DNM3: variants seen among roughly 807,000 people sequenced by gnomAD.
The protein encoded by DNM3 is dynamin-3.
Under a neutral mutation model 101.6 loss-of-function variants are expected in DNM3, and 47 were observed. That is an observed-to-expected ratio of 0.46 (90% CI 0.37 to 0.59). The LOEUF (loss-of-function observed/expected upper bound fraction) is 0.59, where lower values mean the gene tolerates loss of function less well. DNM3 is among the 20% of genes least tolerant of loss of function. DNM3 has a pLI of 0.00. For missense variants in DNM3, 849 were observed against 1,085.7 expected, an observed-to-expected ratio of 0.78 and a Z score of 3.06; for synonymous variants, 385 against 387.9, an observed-to-expected ratio of 0.99 and a Z score of 0.09.
chr1:172,392,984 C>T (rs1375216194), intron 20 of DNM3: 3 of 152,160 alleles, frequency 2.0e-5, no homozygotes, highest in African/African-American at 4.8e-5. Flanking sequence ...GATGTCCCAC[C>T]CTGCAAGGGC....
At position 171,896,433 on chromosome 1, in the gene DNM3, C is replaced by T. The variant is rs555542350; in HGVS notation, c.162-25315C>T. Reference sequence around the variant, plus strand: ...ATGGGAGTTCACTCATGATTTGGCTCTCTGTTTGTCTATTATTGGTGTATA... The same window carrying T: ...ATGGGAGTTCACTCATGATTTGGCTTTCTGTTTGTCTATTATTGGTGTATA... On this transcript the variant is annotated intron_variant, in intron 1 of 20. Coordinates refer to ENST00000627582, the MANE Select transcript of DNM3 (RefSeq NM_015569.5). 3.7e-3 allele frequency among the ~76,000 whole-genome samples: 560 copies of T among 152,212 alleles called. 2 individuals are homozygous for T. The highest frequency in any genetic ancestry group is 0.013 in the African/African-American group (529 of 41,550).
intron 1 of DNM3, among the ~76,000 whole-genome samples, chr1:171,875,691 T>C (rs2035697811): frequency 6.6e-6 from 1 of 152,128 alleles, no homozygotes; most frequent in Admixed American, 6.5e-5. Context: ...AAAATAGTAG[T>C]ACCTACCTTA....
At position 172,411,482 on chromosome 1, in the gene DNM3, C is replaced by A; in HGVS notation, c.*3641C>A. 2.0e-6 allele frequency: 2 copies of A among 983,042 alleles called. No individual in the cohort carries two copies. The highest frequency in any genetic ancestry group is 2.4e-6 in the Non-Finnish European group (2 of 829,250). The allele number at this position is 983,042 out of a possible 1,614,324, so 60.9% of individuals were successfully genotyped here. On this transcript the variant is annotated 3_prime_UTR_variant, in exon 21 of 21. Transcript: ENST00000627582. ...TATAAATTATTTTTGGATTGCTGAG[C>A]TGAATCTTAAAAAGCCAAGTTGATA...
chr1:172,246,402 T>C (rs2061955328), intron 14 of DNM3, among the ~76,000 whole-genome samples: 1 of 152,022 alleles, frequency 6.6e-6, no homozygotes, highest in African/African-American at 2.4e-5. Context: ...CGGATTCTAC[T>C]GATTAAAAAA....
chr1:172,205,339 T>G (rs1209037567), intron 14 of DNM3, among the ~76,000 whole-genome samples: 1 of 152,138 alleles, frequency 6.6e-6, no homozygotes, highest in Non-Finnish European at 1.5e-5. Context: ...CTAGCTCGTC[T>G]AAATGGACTA....
At chr1:172,354,987 T>C (rs1338515683) in intron 17 of DNM3, among the ~76,000 whole-genome samples, 2 of 152,184 alleles carry the variant, frequency 1.3e-5, no homozygotes, top group Non-Finnish European at 2.9e-5. Context: ...TGTCTCGGCT[T>C]GCACTGTGAA....
chr1:171,895,398 C>A (rs2037692367), intron 1 of DNM3, among the ~76,000 whole-genome samples: 1 of 152,238 alleles, frequency 6.6e-6, no homozygotes, highest in Non-Finnish European at 1.5e-5. Context: ...TGATGATGAG[C>A]ATTTATTCAT....
chr1:171,976,759 T>C (rs1267059209), intron 2 of DNM3, among the ~76,000 whole-genome samples: 1 of 152,226 alleles, frequency 6.6e-6, no homozygotes, highest in Non-Finnish European at 1.5e-5. Flanking sequence ...TTTTTTGAGA[T>C]ATTATAATGT....
chr1:172,413,188 T>C (rs904624398), downstream of DNM3, among the ~76,000 whole-genome samples: 3 of 152,202 alleles, frequency 2.0e-5, no homozygotes, highest in African/African-American at 4.8e-5. Context: ...TCACTGGGCA[T>C]AGACAGGACA....
In DNM3 at chr1:172,033,216, A is replaced by G. The variant is rs753452327; in HGVS notation, c.800A>G (p.His267Arg). The change falls in exon 6 of 21, where the codon CAT (histidine) becomes CGT (arginine). Residue 267 changes from histidine to arginine, a missense_variant. Around this residue, in one of 5 missense-constraint regions of DNM3, gnomAD observed 388 missense variants for 483.0 expected, o/e 0.80. Coordinates refer to ENST00000627582, the MANE Select transcript of DNM3 (RefSeq NM_015569.5). Reference protein sequence around the residue: ...KFFLSHPAYRHIADRMGTPHL... With the variant: ...KFFLSHPAYRRIADRMGTPHL... ...TTCCTTTCCCACCCGGCTTACAGAC[A>G]TATCGCTGACCGAATGGGAACCCCA... 1.0e-5 allele frequency: 16 copies of G among 1,607,738 alleles called. No individual in the cohort carries two copies. The African/African-American group carries it at 1.5e-4, about 15-fold the overall frequency.
At chr1:171,876,434 G>C (rs2035790889) in intron 1 of DNM3, among the ~76,000 whole-genome samples, 1 of 151,744 alleles carries the variant, frequency 6.6e-6, no homozygotes, top group Non-Finnish European at 1.5e-5. Context: ...GTCTTTTGGG[G>C]TATAGTTCAA....
chr1:171,847,806 C>T (rs2032348163), intron 1 of DNM3, among the ~76,000 whole-genome samples: 1 of 151,806 alleles, frequency 6.6e-6, no homozygotes, highest in South Asian at 2.1e-4. Flanking sequence ...GGAGTTGACA[C>T]TAAATGATTT....
intron 2 of DNM3, among the ~76,000 whole-genome samples, chr1:171,929,042 C>A: frequency 6.6e-6 from 1 of 151,112 alleles, no homozygotes; most frequent in East Asian, 2.0e-4. Flanking sequence ...CTGGTTGGGA[C>A]GTCCCTTCCA....
intron 20 of DNM3, among the ~76,000 whole-genome samples, chr1:172,396,283 A>G (rs923149276): frequency 2.0e-5 from 3 of 152,238 alleles, no homozygotes; most frequent in Non-Finnish European, 2.9e-5. Flanking sequence ...CAAAATTCGC[A>G]GTCACTCATA....
intron 18 of DNM3, among the ~76,000 whole-genome samples, chr1:172,386,113 T>C (rs1363051011): frequency 6.6e-6 from 1 of 152,220 alleles, no homozygotes; most frequent in Non-Finnish European, 1.5e-5. Flanking sequence ...ATAAGAATTG[T>C]CATATAACTT....
At position 172,388,627 on chromosome 1, in the gene DNM3, C is replaced by G. The variant is rs201431126; in HGVS notation, c.2340C>G (p.Leu780=). Residue 780 remains leucine (L), a synonymous_variant, in exon 20 of 21, where the codon CTC becomes CTG. Transcript: ENST00000627582. ...TQRRPTLSAP[L]ARPTSGRGPA... ...GGAGGCCAACACTAAGTGCTCCCCT[C>G]GCAAGGCCCACATCCGGCCGAGGAC... 1.9e-6 allele frequency: 3 copies of G among 1,613,928 alleles called. No homozygotes were observed. The highest frequency in any genetic ancestry group is 2.5e-6 in the Non-Finnish European group (3 of 1,179,910).
intron 1 of DNM3, among the ~76,000 whole-genome samples, chr1:171,876,415 A>T (rs1441145571): frequency 2.0e-5 from 3 of 151,962 alleles, no homozygotes; most frequent in Admixed American, 1.3e-4. Flanking sequence ...AATCTGGCAT[A>T]TCATTCCTGT....
At chr1:172,250,290 C>G (rs183073983) in intron 14 of DNM3, among the ~76,000 whole-genome samples, 24 of 152,104 alleles carry the variant, frequency 1.6e-4, no homozygotes, top group African/African-American at 5.5e-4. Context: ...AGGAATATCT[C>G]AAGTTGGGAA....
rs536350979 is a variant in DNM3, at chr1:172,310,719, G to A, written c.1881+1880G>A. On this transcript the variant is annotated intron_variant, in intron 16 of 20. Coordinates refer to ENST00000627582, the MANE Select transcript of DNM3 (RefSeq NM_015569.5). ...GTGTGTCTGGAACACTGTGAGGGAA[G>A]ACAAAGGTGGTAGTTGGTTAACAAG... 5.9e-5 allele frequency: 9 copies of A among 152,430 alleles called. No individual in the cohort carries two copies. The South Asian group carries it at 1.4e-3, about 25-fold the overall frequency. The allele number at this position is 152,430 out of a possible 1,614,324, so 9.4% of individuals were successfully genotyped here. A position where few individuals can be genotyped will look rare whatever the true frequency, so the allele number is the denominator to read the frequency against.
Sources: gnomAD v4.1 joint callset for allele counts (sites outside exome capture counted in the v4.1 genomes callset) on GRCh38, gnomAD v4.1.1 for gene constraint, gnomAD v4.1.1 regional missense constraint, MANE v1.5 for transcripts, NCBI Gene and HGNC (gene_info 2026-07-23, HGNC 2026-07-21) for gene names.